The following SRCIN1 variants were observed in gnomAD, a reference collection of about 807,000 sequenced individuals.
SRCIN1 encodes the protein SRC kinase signaling inhibitor 1.
SRCIN1 carries 50 observed loss-of-function variants against 116.2 expected under a neutral mutation model. The ratio of observed to expected loss-of-function variants is 0.43; its 90% CI spans 0.34 to 0.54. SRCIN1 has a LOEUF of 0.54. Ranked by LOEUF, SRCIN1 falls within the 20% of genes least tolerant of loss-of-function variation. The pLI is 0.02. For missense variants in SRCIN1, 1,446 were observed against 1,672.0 expected (o/e 0.86, Z 2.36); for synonymous variants, 736 against 750.0 (o/e 0.98, Z 0.30).
At chr17:38,550,294 A>C (rs888684323) in intron 15 of SRCIN1, among the ~76,000 whole-genome samples, 5 of 152,130 alleles carry the variant, frequency 3.3e-5, no homozygotes, top group African/African-American at 7.2e-5. Context: ...GGAGATCGAG[A>C]CCATCCTGGC....
At position 38,562,239 on chromosome 17, in the gene SRCIN1, C is replaced by T. The variant is rs940017597; in HGVS notation, c.924G>A (p.Pro308=). 8.9e-6 allele frequency: 13 copies of T among 1,456,076 alleles called. No homozygotes were observed. The African/African-American group carries it at 1.6e-4, about 18-fold the overall frequency. The allele number at this position is 1,456,076 out of a possible 1,614,324, so 90.2% of individuals were successfully genotyped here. A position where few individuals can be genotyped will look rare whatever the true frequency, so the allele number is the denominator to read the frequency against. Residue 308 remains proline, a synonymous_variant, in exon 7 of 19, where the codon CCG becomes CCA. Coordinates refer to ENST00000617146, the MANE Select transcript of SRCIN1 (RefSeq NM_025248.3). The surrounding 1 kb of genome is among the most constrained non-coding windows in gnomAD (Gnocchi z 4.2). ...SPAPHLASGS[P]PPGLPSGLPS... ...GCAGCCCCGACGGCAGCCCGGGCGG[C>T]GGCGAGCCGGATGCCAGGTGCGGCG...
Position 38,552,436 on chromosome 17 carries a change from G to A in SRCIN1, c.2480+11C>T. The A allele has an allele frequency of 6.3e-7, 1 of 1,597,162 alleles. No individual in the cohort carries two copies. The highest frequency in any genetic ancestry group is 8.5e-7 in the Non-Finnish European group (1 of 1,172,866). ...AACCCATGGGAAATCAGAGGTCAGG[G>A]ACAGAATGACCTTCGGATCTGGGCC... On this transcript the variant is annotated intron_variant, in intron 13 of 18. Transcript: ENST00000617146. This position sits in a 1 kb window ranked among gnomAD's most constrained non-coding sequence, Gnocchi z 5.3.
chr17:38,596,201 A>C (rs1908721116), intron 1 of SRCIN1, among the ~76,000 whole-genome samples: 3 of 152,130 alleles, frequency 2.0e-5, no homozygotes, highest in Admixed American at 6.5e-5. Flanking sequence ...GAGGAGCTGG[A>C]GAGAGGAGGG....
At chr17:38,586,333 G>A (rs911910380) in intron 1 of SRCIN1, among the ~76,000 whole-genome samples, 23 of 152,284 alleles carry the variant, frequency 1.5e-4, no homozygotes, top group African/African-American at 5.3e-4. Context: ...GGATGGGGGC[G>A]GGGGGAGATG....
chr17:38,535,498 C>T (rs1233901134), intron 18 of SRCIN1, among the ~76,000 whole-genome samples: 3 of 152,136 alleles, frequency 2.0e-5, no homozygotes, highest in African/African-American at 4.8e-5. Flanking sequence ...TGAACCACCG[C>T]GCCTGGCCCT....
At chr17:38,560,753 G>C (rs745840979) in intron 7 of SRCIN1, among the ~76,000 whole-genome samples, 14 of 152,174 alleles carry the variant, frequency 9.2e-5, no homozygotes, top group Non-Finnish European at 1.3e-4. Context: ...ACCACCCAAG[G>C]GAAGTGGAGG....
chr17:38,566,641 TC>T (rs1424142146), intron 3 of SRCIN1, among the ~76,000 whole-genome samples: 1 of 152,116 alleles, frequency 6.6e-6, no homozygotes, highest in Non-Finnish European at 1.5e-5. Flanking sequence ...AAAATACCTT[TC>T]CAGGACCCCA....
At chr17:38,548,206 C>T (rs886529443) in intron 17 of SRCIN1, among the ~76,000 whole-genome samples, 1 of 152,028 alleles carries the variant, frequency 6.6e-6, no homozygotes, top group Non-Finnish European at 1.5e-5. Flanking sequence ...ATGGGGGTCT[C>T]AAGCATGAGC....
At chr17:38,578,416 A>G (rs1907551026) in intron 2 of SRCIN1, 74 bp downstream of exon 2, 4 of 1,470,394 alleles carry the variant, frequency 2.7e-6, no homozygotes, top group Middle Eastern at 2.2e-4. Flanking sequence ...GGGGACACGG[A>G]GCACGGGGTC....
At chr17:38,583,148 C>T (rs1227593925) in intron 1 of SRCIN1, among the ~76,000 whole-genome samples, 1 of 152,134 alleles carries the variant, frequency 6.6e-6, no homozygotes, top group African/African-American at 2.4e-5. Flanking sequence ...TGGCTCAGTG[C>T]AGCCTCAACC....
At chr17:38,578,416 AGCACG>A in intron 2 of SRCIN1, 69 bp downstream of exon 2, 2 of 1,470,394 alleles carry the variant, frequency 1.4e-6, no homozygotes, top group Non-Finnish European at 1.8e-6. Context: ...GGGGACACGG[AGCACG>A]GGGTCAGACC....
chr17:38,543,563 T>C (rs971092516), intron 18 of SRCIN1, among the ~76,000 whole-genome samples: 9 of 152,134 alleles, frequency 5.9e-5, no homozygotes, highest in African/African-American at 7.2e-5. Flanking sequence ...GTCTTCTCTG[T>C]GTCTGAGTGA....
At chr17:38,577,475 G>A (rs1907490008) in intron 2 of SRCIN1, among the ~76,000 whole-genome samples, 1 of 152,222 alleles carries the variant, frequency 6.6e-6, no homozygotes, top group Non-Finnish European at 1.5e-5. Context: ...GTTCCCTGCA[G>A]TGAGGATGGG....
chr17:38,549,948 G>C (rs764713627), intron 15 of SRCIN1, among the ~76,000 whole-genome samples: 8 of 152,208 alleles, frequency 5.3e-5, no homozygotes, highest in Non-Finnish European at 1.0e-4. Context: ...ACTAGCTAGG[G>C]AAGTGCCCAC....
chr17:38,569,935 G>T (rs566073217), intron 2 of SRCIN1, among the ~76,000 whole-genome samples: 2 of 152,234 alleles, frequency 1.3e-5, no homozygotes, highest in East Asian at 3.9e-4. Context: ...GAAGGTTTAT[G>T]AGGACAATCA....
At chr17:38,592,703 C>T (rs1908505917) in intron 1 of SRCIN1, among the ~76,000 whole-genome samples, 1 of 152,078 alleles carries the variant, frequency 6.6e-6, no homozygotes, top group South Asian at 2.1e-4. Flanking sequence ...ATCATGTAGT[C>T]ATTCAACAAA....
At position 38,560,372 on chromosome 17, in the gene SRCIN1, T is replaced by C. The variant is rs1906150920; in HGVS notation, c.1754A>G (p.Gln585Arg). Reference sequence around the variant, plus strand: ...CTCAGAGCCTCGCAGTAAGGCGCTCTGCACCAGGCCTGTGAGGCTGGCAAT... The same window carrying C: ...CTCAGAGCCTCGCAGTAAGGCGCTCCGCACCAGGCCTGTGAGGCTGGCAAT... ...KQIASLTGLVQSALLRGSEPE... is the reference protein window; with the variant it reads ...KQIASLTGLVRSALLRGSEPE... The change falls in exon 8 of 19, where the codon CAG becomes CGG. Residue 585 changes from glutamine to arginine, a missense_variant. Physicochemically the swap from Gln to Arg is conservative, Grantham distance 43. Around this residue, in one of 5 missense-constraint regions of SRCIN1, gnomAD observed 398 missense variants for 385.6 expected, o/e 1.03. Transcript: ENST00000617146. The C allele has an allele frequency of 2.5e-6, 4 of 1,612,092 alleles. No individual in the cohort carries two copies. The highest frequency in any genetic ancestry group is 3.4e-6 in the Non-Finnish European group (4 of 1,179,158).
At chr17:38,575,652 C>T (rs963295526) in intron 2 of SRCIN1, among the ~76,000 whole-genome samples, 3 of 152,174 alleles carry the variant, frequency 2.0e-5, no homozygotes, top group Non-Finnish European at 4.4e-5. Flanking sequence ...AGGTGTCACA[C>T]CTACCTCACA....
intron 1 of SRCIN1, among the ~76,000 whole-genome samples, chr17:38,597,597 G>C (rs945624491): frequency 4.6e-5 from 7 of 152,352 alleles, no homozygotes; most frequent in African/African-American, 1.7e-4. Context: ...CTGAGCTTCA[G>C]AAAGGTGAAG....
Sources: gnomAD v4.1 joint callset for allele counts (sites outside exome capture counted in the v4.1 genomes callset) on GRCh38, gnomAD v4.1.1 for gene constraint, gnomAD v4.1.1 regional missense constraint, Gnocchi (gnomAD v3.1) non-coding constraint, MANE v1.5 for transcripts, NCBI Gene and HGNC (gene_info 2026-07-23, HGNC 2026-07-21) for gene names.